GLRX3: variants seen among roughly 807,000 people sequenced by gnomAD.
GLRX3 encodes glutaredoxin-3.
A neutral mutation model predicts 49.5 loss-of-function variants in GLRX3; 22 were observed. The observed-to-expected ratio is 0.44, with a 90% confidence interval of 0.32 to 0.63. The LOEUF (loss-of-function observed/expected upper bound fraction) is 0.63, where lower values mean the gene tolerates loss of function less well. Among genes scored for constraint, GLRX3 ranks in the 30% least tolerant of loss-of-function variants. The pLI is 0.05. For synonymous variants in GLRX3, 133 were observed against 140.0 expected, an observed-to-expected ratio of 0.95 and a Z score of 0.35; for missense variants, 385 against 396.3, an observed-to-expected ratio of 0.97 and a Z score of 0.24.
intron 1 of GLRX3, among the ~76,000 whole-genome samples, chr10:130,140,759 T>G (rs1359531031): frequency 8.1e-6 from 1 of 123,308 alleles, no homozygotes; most frequent in African/African-American, 3.1e-5. Context: ...TATATTAGTA[T>G]TTTCCTGTGG....
At chr10:130,137,374 T>C (rs1057126615) in intron 1 of GLRX3, among the ~76,000 whole-genome samples, 3 of 152,216 alleles carry the variant, frequency 2.0e-5, no homozygotes, top group African/African-American at 7.2e-5. Flanking sequence ...GCACGTGGAC[T>C]CTCCGTGATA....
intron 7 of GLRX3, among the ~76,000 whole-genome samples, chr10:130,169,745 A>G (rs1449113654): frequency 2.0e-5 from 3 of 152,238 alleles, no homozygotes; most frequent in African/African-American, 7.2e-5. Flanking sequence ...CAACACTGTT[A>G]ACACTTTACT....
chr10:130,155,910 G>T (rs1334931016), intron 2 of GLRX3, among the ~76,000 whole-genome samples: 5 of 152,178 alleles, frequency 3.3e-5, no homozygotes, highest in African/African-American at 2.4e-5. Flanking sequence ...GGAGAGCCAA[G>T]TGGAAGGTGT....
chr10:130,139,749 T>C (rs1450705666), intron 1 of GLRX3, among the ~76,000 whole-genome samples: 1 of 150,908 alleles, frequency 6.6e-6, no homozygotes, highest in Admixed American at 6.6e-5. Context: ...TTGAACAACA[T>C]AGAACCCATC....
chr10:130,142,571 A>C (rs1329734452), intron 1 of GLRX3, among the ~76,000 whole-genome samples: 1 of 150,354 alleles, frequency 6.7e-6, no homozygotes, highest in Non-Finnish European at 1.5e-5. Context: ...AAAAAGGCCC[A>C]TCCCTTGATT....
At chr10:130,176,876 T>C (rs1481207715) in intron 10 of GLRX3, among the ~76,000 whole-genome samples, 1 of 152,012 alleles carries the variant, frequency 6.6e-6, no homozygotes, top group Non-Finnish European at 1.5e-5. Context: ...CTTGTCTGAA[T>C]GTTTTATAGC....
chr10:130,139,187 T>G (rs1014378864), intron 1 of GLRX3, among the ~76,000 whole-genome samples: 2 of 151,956 alleles, frequency 1.3e-5, no homozygotes, highest in African/African-American at 4.8e-5. Flanking sequence ...TAAGTACCAT[T>G]TGGATGTTGT....
intron 4 of GLRX3, among the ~76,000 whole-genome samples, chr10:130,161,798 A>G (rs530949713): frequency 2.2e-4 from 33 of 152,286 alleles, no homozygotes; most frequent in African/African-American, 6.5e-4. Context: ...GAGGGACTTT[A>G]TTAAGATAGG....
chr10:130,170,891 T>C (rs1004622393), intron 7 of GLRX3, among the ~76,000 whole-genome samples: 5 of 152,146 alleles, frequency 3.3e-5, no homozygotes, highest in South Asian at 4.1e-4. Context: ...CCCAGCACTT[T>C]GGGAGGCCAA....
intron 2 of GLRX3, among the ~76,000 whole-genome samples, chr10:130,158,486 T>C (rs1862518519): frequency 6.6e-6 from 1 of 152,032 alleles, no homozygotes. Flanking sequence ...TAGTATTGCC[T>C]TTTTTTTGGA....
chr10:130,162,072 G>A (rs1470176595), intron 4 of GLRX3, among the ~76,000 whole-genome samples: 2 of 152,168 alleles, frequency 1.3e-5, no homozygotes, highest in African/African-American at 2.4e-5. Flanking sequence ...TGTCTACTAG[G>A]GGTCAAGCGA....
chr10:130,154,971 ATCTT>A (rs1424486160), intron 2 of GLRX3, among the ~76,000 whole-genome samples: 2 of 151,832 alleles, frequency 1.3e-5, no homozygotes, highest in African/African-American at 2.4e-5. Context: ...AGGAAGAGAG[ATCTT>A]TCTTTTTTTT....
chr10:130,157,186 A>C (rs1378807528), intron 2 of GLRX3, among the ~76,000 whole-genome samples: 1 of 152,084 alleles, frequency 6.6e-6, no homozygotes, highest in Non-Finnish European at 1.5e-5. Context: ...ATGCTGGAGA[A>C]CTAGGGAAGC....
intron 1 of GLRX3, among the ~76,000 whole-genome samples, chr10:130,139,667 TATC>T (rs984375901): frequency 8.3e-5 from 12 of 144,752 alleles, no homozygotes; most frequent in Middle Eastern, 7.9e-3. Flanking sequence ...AAAAAAAGAA[TATC>T]ATGGTGGCTT....
intron 6 of GLRX3, 92 bp from the exon 7 acceptor site, chr10:130,169,341 A>G (rs1172321076): frequency 2.6e-6 from 2 of 779,198 alleles, no homozygotes; most frequent in Non-Finnish European, 4.7e-6. Context: ...TCATCCTGCC[A>G]TCCCTCAAAT....
chr10:130,144,392 C>T (rs766705977), intron 1 of GLRX3, among the ~76,000 whole-genome samples: 7 of 149,776 alleles, frequency 4.7e-5, no homozygotes, highest in Non-Finnish European at 8.9e-5. Flanking sequence ...CTGCACCTAT[C>T]AACCCATCAT....
intron 1 of GLRX3, among the ~76,000 whole-genome samples, chr10:130,137,309 C>T (rs891180784): frequency 6.6e-5 from 10 of 152,204 alleles, no homozygotes; most frequent in Non-Finnish European, 8.8e-5. Flanking sequence ...CTCTGAACTG[C>T]AAGCATGCTT....
chr10:130,166,930 A>G lies in GLRX3; in HGVS notation c.663A>G (p.Ala221=), dbSNP rs1862703061. 2 of 1,593,414 alleles carry G rather than the reference A, an allele frequency of 1.3e-6. No homozygotes were observed. The highest frequency in any genetic ancestry group is 1.4e-5 in the African/African-American group (1 of 74,056). ...GGLDIIKELE[A]SEELDTICPK... ...TGTGCTTATTTTAGGAGCTAGAAGC[A>G]TCTGAAGAACTAGATACAATTTGTC... The change falls in exon 6 of 11, where the codon GCA becomes GCG. Residue 221 remains alanine (A), a synonymous_variant. Coordinates refer to ENST00000331244, the MANE Select transcript of GLRX3 (RefSeq NM_006541.5).
rs561986638 is a variant in GLRX3 at position 130,167,023 on chromosome 10, A to G, written c.713+43A>G. Reference sequence around the variant, plus strand: ...TTTCAAATAGCCTATCATTTAATATATTAAAAATATTTTAAAGTCCTCAGG... The same window carrying G: ...TTTCAAATAGCCTATCATTTAATATGTTAAAAATATTTTAAAGTCCTCAGG... On this transcript the variant is annotated intron_variant, in intron 6 of 10. Transcript: ENST00000331244. 3.8e-6 allele frequency: 4 copies of G among 1,051,010 alleles called. No individual in the cohort carries two copies. The South Asian group carries it at 6.2e-5, about 16-fold the overall frequency. The allele number at this position is 1,051,010 out of a possible 1,614,324, so 65.1% of individuals were successfully genotyped here. A position where few individuals can be genotyped will look rare whatever the true frequency, so the allele number is the denominator to read the frequency against.
Sources: allele counts gnomAD v4.1 joint callset (sites outside exome capture counted in the v4.1 genomes callset), GRCh38; gene constraint gnomAD v4.1.1; transcripts MANE v1.5; gene names NCBI Gene and HGNC (gene_info 2026-07-23, HGNC 2026-07-21).